CNTN1: variants seen among roughly 807,000 people sequenced by gnomAD.
CNTN1 encodes the protein contactin 1.
In CNTN1, 38 loss-of-function variants were observed where a neutral mutation model predicts 126.4. That is an observed-to-expected ratio of 0.30 (90% confidence interval 0.23 to 0.39). CNTN1 has a LOEUF of 0.39. Among genes scored for constraint, CNTN1 ranks in the 10% least tolerant of loss-of-function variants. CNTN1 has a pLI of 1.00. For missense variants in CNTN1, 1,009 were observed against 1,248.4 expected, an observed-to-expected ratio of 0.81 and a Z score of 2.89; for synonymous variants, 413 against 422.6, an observed-to-expected ratio of 0.98 and a Z score of 0.28.
chr12:40,949,202 T>G (rs11179155), intron 14 of CNTN1, among the ~76,000 whole-genome samples: 68,859 of 144,162 alleles, frequency 0.48, 15,896 homozygotes, highest in Admixed American at 0.51. Context: ...CAATTTGTTT[T>G]TTTTTTTGTT....
chr12:40,892,439 T>TCC (rs1260640654), intron 1 of CNTN1, among the ~76,000 whole-genome samples: 2 of 152,076 alleles, frequency 1.3e-5, no homozygotes, highest in Admixed American at 1.3e-4. Context: ...TTAGAATTTT[T>TCC]CCATGAGAGG....
intron 20 of CNTN1, among the ~76,000 whole-genome samples, chr12:41,023,050 A>G (rs1004338877): frequency 2.0e-5 from 3 of 152,104 alleles, no homozygotes; most frequent in Admixed American, 6.6e-5. Context: ...TTGACTGACT[A>G]TAATGTGGTT....
At chr12:40,984,204 C>T (rs1201894382) in intron 16 of CNTN1, among the ~76,000 whole-genome samples, 1 of 151,480 alleles carries the variant, frequency 6.6e-6, no homozygotes, top group Admixed American at 6.6e-5. Context: ...CCTATTAAAC[C>T]AATATGTTTA....
chr12:40,781,077 T>A (rs1195468645), intron 1 of CNTN1, among the ~76,000 whole-genome samples: 2 of 151,878 alleles, frequency 1.3e-5, no homozygotes, highest in Non-Finnish European at 2.9e-5. Flanking sequence ...ATAGATGAAA[T>A]AAATCAGATG....
chr12:40,852,709 T>A (rs1942765028), intron 1 of CNTN1, among the ~76,000 whole-genome samples: 1 of 152,128 alleles, frequency 6.6e-6, no homozygotes, highest in African/African-American at 2.4e-5. Context: ...GAAAACCTAT[T>A]ACATGTCTTG....
At chr12:40,849,226 C>T (rs1398821128) in intron 1 of CNTN1, among the ~76,000 whole-genome samples, 1 of 152,008 alleles carries the variant, frequency 6.6e-6, no homozygotes, top group African/African-American at 2.4e-5. Flanking sequence ...CCCTGAACTG[C>T]TTATAATCTT....
intron 16 of CNTN1, 146 bp from the exon 17 acceptor site, chr12:40,992,974 A>T: frequency 1.4e-6 from 1 of 690,996 alleles, no homozygotes; most frequent in Non-Finnish European, 2.5e-6. Flanking sequence ...CCTTGAATTT[A>T]ACATTTTGTC....
At chr12:40,756,429 C>T (rs1443326422) in intron 1 of CNTN1, among the ~76,000 whole-genome samples, 1 of 152,046 alleles carries the variant, frequency 6.6e-6, no homozygotes. Flanking sequence ...AAGTCAATAA[C>T]TAAAAGGTCA....
chr12:40,963,810 G>GA (rs1175065045), intron 15 of CNTN1, among the ~76,000 whole-genome samples: 6 of 152,024 alleles, frequency 3.9e-5, no homozygotes, highest in Admixed American at 2.0e-4. Context: ...TCTGATGCTT[G>GA]TGAACAGCCC....
intron 15 of CNTN1, among the ~76,000 whole-genome samples, chr12:40,963,206 T>C (rs1204297363): frequency 6.6e-6 from 1 of 152,038 alleles, no homozygotes; most frequent in Non-Finnish European, 1.5e-5. Flanking sequence ...CGTATTGCTT[T>C]GAGACCAGCC....
intron 5 of CNTN1, among the ~76,000 whole-genome samples, chr12:40,923,416 G>T (rs531483173): frequency 6.6e-6 from 1 of 152,108 alleles, no homozygotes; most frequent in Non-Finnish European, 1.5e-5. Flanking sequence ...TCATGGTAGG[G>T]TTTATCAGGA....
rs145967952 is a variant in CNTN1 at position 41,004,306 on chromosome 12, G to A, written c.2114-9922G>A. On this transcript the variant is annotated intron_variant, in intron 17 of 23. Transcript: ENST00000551295. ...TGATTTTGCTGTGGTCCAAGAGATT[G>A]TTTCTTATTATTTCATTTCTTTTGC... is the stretch of plus-strand genomic sequence containing the variant. Among the ~76,000 whole-genome samples, 551 of 152,156 alleles carry A rather than the reference G, an allele frequency of 3.6e-3. 2 individuals carry two copies. Among genetic ancestry groups the A allele is most frequent in the African/African-American group, 0.013 (524 of 41,536 alleles).
At chr12:40,836,090 GTA>G (rs1221227308) in intron 1 of CNTN1, among the ~76,000 whole-genome samples, 1 of 104,624 alleles carries the variant, frequency 9.6e-6, no homozygotes, top group Admixed American at 9.6e-5. Context: ...ACATATACAG[GTA>G]TATATATACG....
rs1322799537 is a variant in CNTN1, at chr12:40,776,582, C to G, written c.-77+83990C>G. ...TAAAAATGCCCATTGAGCTTACATT[C>G]TTAAAAACAAACAGGAAACAAACAA... is the stretch of plus-strand genomic sequence containing the variant. On this transcript the variant is annotated intron_variant, in intron 1 of 23. Transcript: ENST00000551295. 2.0e-5 allele frequency among the ~76,000 whole-genome samples: 3 copies of G among 151,586 alleles called. No individual in the cohort carries two copies. The Admixed American group carries it at 2.0e-4, about 10-fold the overall frequency.
At chr12:40,773,676 C>CATATATAT (rs1320206131) in intron 1 of CNTN1, among the ~76,000 whole-genome samples, 1 of 11,480 alleles carries the variant, frequency 8.7e-5, no homozygotes, top group African/African-American at 1.6e-4. Context: ...TATATATACA[C>CATATATAT]ATATATATAT....
intron 23 of CNTN1, among the ~76,000 whole-genome samples, chr12:41,049,309 G>C (rs1002562142): frequency 6.6e-6 from 1 of 152,178 alleles, no homozygotes; most frequent in Non-Finnish European, 1.5e-5. Flanking sequence ...AGTCTTCTCT[G>C]ATTTATTCAG....
Position 41,072,054 on chromosome 12 carries a change from A to G in CNTN1, c.*2019A>G, listed in dbSNP as rs530658642. The G allele has an allele frequency of 6.6e-6, 1 of 152,334 alleles. No homozygotes were observed. The highest frequency in any genetic ancestry group is 1.9e-4 in the East Asian group (1 of 5,182). The allele number at this position is 152,334 out of a possible 1,614,324, so 9.4% of individuals were successfully genotyped here. On this transcript the variant is annotated 3_prime_UTR_variant, in exon 24 of 24. Coordinates refer to ENST00000551295, the MANE Select transcript of CNTN1 (RefSeq NM_001843.4). ...GGTTGTTTAGTTTTGAATTTCTGACAGAGATAAAGTAGTTTAAAATCTCTC... is the reference window on the plus strand; with the variant it reads ...GGTTGTTTAGTTTTGAATTTCTGACGGAGATAAAGTAGTTTAAAATCTCTC...
chr12:41,070,135 C>A lies in CNTN1; in HGVS notation c.*100C>A. The A allele has an allele frequency of 9.7e-7, 1 of 1,027,552 alleles. No homozygotes were observed. Among genetic ancestry groups the A allele is most frequent in the Non-Finnish European group, 1.5e-6 (1 of 657,544 alleles). The allele number at this position is 1,027,552 out of a possible 1,614,324, so 63.7% of individuals were successfully genotyped here. A position where few individuals can be genotyped will look rare whatever the true frequency, so the allele number is the denominator to read the frequency against. On this transcript the variant is annotated 3_prime_UTR_variant, in exon 24 of 24. Transcript: ENST00000551295. ...CCAATTTCTGCGGCTCCATCCTAAGCCAAATAAATTATACTTTAACAAACT... is the reference window on the plus strand; with the variant it reads ...CCAATTTCTGCGGCTCCATCCTAAGACAAATAAATTATACTTTAACAAACT...
intron 14 of CNTN1, among the ~76,000 whole-genome samples, chr12:40,954,741 A>G (rs754787049): frequency 6.6e-6 from 1 of 152,030 alleles, no homozygotes; most frequent in African/African-American, 2.4e-5. Context: ...AAGGATACAA[A>G]TTAAAATTAG....
Sources: allele counts gnomAD v4.1 joint callset (sites outside exome capture counted in the v4.1 genomes callset), GRCh38; gene constraint gnomAD v4.1.1; transcripts MANE v1.5; gene names NCBI Gene and HGNC (gene_info 2026-07-23, HGNC 2026-07-21).